The following SLC24A2 variants were observed in gnomAD, a reference collection of about 807,000 sequenced individuals.
SLC24A2 encodes the protein sodium/potassium/calcium exchanger 2.
SLC24A2 carries 36 observed loss-of-function variants against 62.0 expected under a neutral mutation model. That is an observed-to-expected ratio of 0.58 (90% confidence interval 0.44 to 0.77). The LOEUF is 0.77. Ranked by LOEUF, SLC24A2 falls within the 30% of genes least tolerant of loss-of-function variation. The pLI is 0.00. For missense variants in SLC24A2, 846 were observed against 817.9 expected (o/e 1.03, Z -0.42); for synonymous variants, 358 against 294.0 (o/e 1.22, Z -2.23).
chr9:20,207,550 C>A, the SLC24A2 span, among the ~76,000 whole-genome samples: 1 of 152,230 alleles, frequency 6.6e-6, no homozygotes, highest in Non-Finnish European at 1.5e-5. Flanking sequence ...TGCACTGCAA[C>A]AATTTGTCTA....
the SLC24A2 span, among the ~76,000 whole-genome samples, chr9:20,118,786 G>C: frequency 6.6e-6 from 1 of 152,058 alleles, no homozygotes; most frequent in South Asian, 2.1e-4. Flanking sequence ...TAGATGCTGT[G>C]GTAAACAAGT....
intron 2 of SLC24A2, among the ~76,000 whole-genome samples, chr9:19,701,674 G>A (rs1300950115): frequency 1.3e-5 from 2 of 152,178 alleles, no homozygotes; most frequent in Non-Finnish European, 2.9e-5. Flanking sequence ...TCTGGCACAA[G>A]TAGACCCAAA....
At chr9:19,867,605 A>T in the SLC24A2 span, among the ~76,000 whole-genome samples, 1 of 152,016 alleles carries the variant, frequency 6.6e-6, no homozygotes, top group African/African-American at 2.4e-5. Flanking sequence ...TGTCAATGTT[A>T]TTAATCATAA....
intron 2 of SLC24A2, among the ~76,000 whole-genome samples, chr9:19,697,424 C>G (rs1314060062): frequency 6.6e-6 from 1 of 152,032 alleles, no homozygotes; most frequent in Non-Finnish European, 1.5e-5. Context: ...GGCATATGTA[C>G]CCCAGAATTT....
At chr9:19,585,963 T>C (rs1441372996) in intron 5 of SLC24A2, among the ~76,000 whole-genome samples, 1 of 152,226 alleles carries the variant, frequency 6.6e-6, no homozygotes, top group African/African-American at 2.4e-5. Context: ...GTTAGAAATA[T>C]GAACGTGCTT....
chr9:20,299,493 T>A, the SLC24A2 span, among the ~76,000 whole-genome samples: 1 of 152,322 alleles, frequency 6.6e-6, no homozygotes, highest in South Asian at 2.1e-4. Flanking sequence ...TCGAACATGA[T>A]CACTCCCTTG....
At chr9:19,873,322 CTCTT>C in the SLC24A2 span, among the ~76,000 whole-genome samples, 5 of 149,886 alleles carry the variant, frequency 3.3e-5, no homozygotes, top group South Asian at 2.1e-4. Flanking sequence ...TTCCGTCCTT[CTCTT>C]TCTTTCTTCT....
the SLC24A2 span, among the ~76,000 whole-genome samples, chr9:20,004,209 T>G: frequency 6.6e-6 from 1 of 152,218 alleles, no homozygotes; most frequent in Non-Finnish European, 1.5e-5. Context: ...CAATCGCCAT[T>G]TGCTTCATAA....
chr9:19,565,123 C>CAGGAGAAAGAAATAA (rs1238646852), intron 7 of SLC24A2, among the ~76,000 whole-genome samples: 1 of 151,942 alleles, frequency 6.6e-6, no homozygotes, highest in African/African-American at 2.4e-5. Context: ...GGCAATCACG[C>CAGGAGAAAGAAATAA]AGGAGAAAGA....
At chr9:19,560,493 G>T (rs867550750) in intron 7 of SLC24A2, among the ~76,000 whole-genome samples, 18 of 152,172 alleles carry the variant, frequency 1.2e-4, no homozygotes, top group Non-Finnish European at 2.2e-4. Flanking sequence ...TCCCCTCAGG[G>T]TGCACATGCA....
At chr9:19,814,490 T>G in the SLC24A2 span, among the ~76,000 whole-genome samples, 1 of 152,030 alleles carries the variant, frequency 6.6e-6, no homozygotes, top group Non-Finnish European at 1.5e-5. Flanking sequence ...AGATCCATGC[T>G]TACCAAACAA....
At chr9:20,229,281 T>A in the SLC24A2 span, among the ~76,000 whole-genome samples, 1 of 152,144 alleles carries the variant, frequency 6.6e-6, no homozygotes, top group East Asian at 1.9e-4. Flanking sequence ...AGTGTGACCT[T>A]GATCAAGTGC....
the SLC24A2 span, among the ~76,000 whole-genome samples, chr9:20,263,871 C>CG: frequency 8.1e-6 from 1 of 123,178 alleles, no homozygotes; most frequent in African/African-American, 3.0e-5. Context: ...GCCCCCCCCC[C>CG]CCCATTAAGG....
At chr9:19,611,498 G>A (rs971328102) in intron 4 of SLC24A2, among the ~76,000 whole-genome samples, 1 of 151,912 alleles carries the variant, frequency 6.6e-6, no homozygotes, top group South Asian at 2.1e-4. Flanking sequence ...GGCGGAAGGA[G>A]GTAGAGTGGG....
rs527465248 is a variant in SLC24A2, at chr9:19,765,432, T to C, written c.930+20505A>G. Among the ~76,000 whole-genome samples the C allele has an allele frequency of 2.8e-3, 425 of 152,356 alleles. 3 individuals carry two copies. Among genetic ancestry groups the C allele is most frequent in the Non-Finnish European group, 4.4e-3 (302 of 68,034 alleles). On this transcript the variant is annotated intron_variant, in intron 2 of 10. Coordinates refer to ENST00000341998, the MANE Select transcript of SLC24A2 (RefSeq NM_020344.4). Reference sequence around the variant, plus strand: ...TTTGGTTTGTTTTTGCAGTGGCTGGTACCTGATTTTCCTTTCCATATTTAG... The same window carrying C: ...TTTGGTTTGTTTTTGCAGTGGCTGGCACCTGATTTTCCTTTCCATATTTAG...
chr9:20,015,363 A>T, the SLC24A2 span, among the ~76,000 whole-genome samples: 1 of 152,204 alleles, frequency 6.6e-6, no homozygotes, highest in Non-Finnish European at 1.5e-5. Context: ...CAAGATGCTA[A>T]ACATACATCT....
the SLC24A2 span, among the ~76,000 whole-genome samples, chr9:20,208,368 C>A: frequency 6.6e-6 from 1 of 152,142 alleles, no homozygotes; most frequent in African/African-American, 2.4e-5. Context: ...CTGAAGCAGC[C>A]CAGAGCTAAG....
the SLC24A2 span, among the ~76,000 whole-genome samples, chr9:20,035,161 A>G: frequency 6.6e-6 from 1 of 152,166 alleles, no homozygotes; most frequent in Non-Finnish European, 1.5e-5. Context: ...GACATTAGGA[A>G]AACCATTTAA....
chr9:20,151,433 T>C, the SLC24A2 span, among the ~76,000 whole-genome samples: 1 of 151,926 alleles, frequency 6.6e-6, no homozygotes, highest in Non-Finnish European at 1.5e-5. Context: ...AGGTATTTAG[T>C]GCATGGCCTT....
Sources: gnomAD v4.1 joint callset for allele counts (sites outside exome capture counted in the v4.1 genomes callset) on GRCh38, gnomAD v4.1.1 for gene constraint, MANE v1.5 for transcripts, NCBI Gene and HGNC (gene_info 2026-07-23, HGNC 2026-07-21) for gene names.